Variants in XRCC2 observed in about 807,000 individuals in gnomAD.
The protein encoded by XRCC2 is DNA repair protein XRCC2.
XRCC2 carries 24 observed loss-of-function variants against 27.3 expected under a neutral mutation model. The observed-to-expected ratio is 0.88, with a 90% CI of 0.64 to 1.24. XRCC2 has a LOEUF of 1.24. Ranked by LOEUF, XRCC2 falls within the 50% of genes most tolerant of loss-of-function variation. The pLI is 0.00. For missense variants in XRCC2, 321 were observed against 325.8 expected, an observed-to-expected ratio of 0.99 and a Z score of 0.11; for synonymous variants, 106 against 115.4, an observed-to-expected ratio of 0.92 and a Z score of 0.52.
At chr7:152,672,574 C>T (rs759112800) in intron 1 of XRCC2, among the ~76,000 whole-genome samples, 6 of 152,170 alleles carry the variant, frequency 3.9e-5, no homozygotes, top group Non-Finnish European at 7.3e-5. Context: ...AATGCTTGCT[C>T]CTGGCAGAAC....
rs1453507453 is a variant in XRCC2, at chr7:152,644,902, G to A, written c.*3740C>T. 2 of 152,182 alleles carry A rather than the reference G, an allele frequency of 1.3e-5. No individual in the cohort carries two copies. Among genetic ancestry groups the A allele is most frequent in the African/African-American group, 4.8e-5 (2 of 41,440 alleles). 9.4% of individuals were successfully genotyped at this position (152,182 alleles called of 1,614,324 possible). ...CGTGATGTTAACATCGTTCTCAACA[G>A]TTAGCCGAAGATTCATTCGATGAGT... On this transcript the variant is annotated 3_prime_UTR_variant, in exon 3 of 3. Transcript: ENST00000359321.
In XRCC2 at chr7:152,648,511, A is replaced by G. The variant is rs921306617; in HGVS notation, c.*131T>C. 2.0e-5 allele frequency: 20 copies of G among 983,036 alleles called. No individual in the cohort carries two copies. The highest frequency in any genetic ancestry group is 3.3e-5 in the African/African-American group (2 of 60,678). The allele number at this position is 983,036 out of a possible 1,614,324, so 60.9% of individuals were successfully genotyped here. A position where few individuals can be genotyped will look rare whatever the true frequency, so the allele number is the denominator to read the frequency against. ...ACACATAGGAGGATCCCTTGAGGCCAGGAGTTCAAGGCTGCAGTGAGCCAT... is the reference window on the plus strand; with the variant it reads ...ACACATAGGAGGATCCCTTGAGGCCGGGAGTTCAAGGCTGCAGTGAGCCAT... On this transcript the variant is annotated 3_prime_UTR_variant, in exon 3 of 3. Transcript: ENST00000359321.
chr7:152,652,534 T>C (rs1211661116), intron 2 of XRCC2, among the ~76,000 whole-genome samples: 1 of 152,162 alleles, frequency 6.6e-6, no homozygotes, highest in Non-Finnish European at 1.5e-5. Flanking sequence ...TTCAGACATA[T>C]CCTGTTTGCT....
At chr7:152,662,903 T>G (rs938642034) in intron 1 of XRCC2, among the ~76,000 whole-genome samples, 3 of 152,122 alleles carry the variant, frequency 2.0e-5, no homozygotes, top group Admixed American at 1.3e-4. Context: ...CAAATCAAGT[T>G]GTGGAAAGAC....
rs368445278 is a variant in XRCC2, at chr7:152,648,844, C to T, written c.641G>A (p.Arg214Gln). Reference sequence around the variant, plus strand: ...GTCTATGTCCACATCACACAGTCGTCGAGAGGCATGAGAAGGTTCTTCTGA... The same window carrying T: ...GTCTATGTCCACATCACACAGTCGTTGAGAGGCATGAGAAGGTTCTTCTGA... Reference protein sequence around the residue: ...SSSEEPSHASRRLCDVDIDYR... With the variant: ...SSSEEPSHASQRLCDVDIDYR... Residue 214 changes from arginine to glutamine, a missense_variant, in exon 3 of 3, where the codon CGA (arginine) becomes CAA (glutamine). Physicochemically the swap from Arg to Gln is conservative, Grantham distance 43. Transcript: ENST00000359321. 38 of 1,613,662 alleles carry T rather than the reference C, an allele frequency of 2.4e-5. No individual in the cohort carries two copies. The highest frequency in any genetic ancestry group is 5.3e-5 in the African/African-American group (4 of 74,872).
At chr7:152,669,639 G>A (rs2098037355) in intron 1 of XRCC2, among the ~76,000 whole-genome samples, 1 of 151,910 alleles carries the variant, frequency 6.6e-6, no homozygotes, top group African/African-American at 2.4e-5. Flanking sequence ...CTGACCTCAA[G>A]TGATCTGCCT....
chr7:152,673,142 C>G (rs1423911890), intron 1 of XRCC2, among the ~76,000 whole-genome samples: 1 of 152,096 alleles, frequency 6.6e-6, no homozygotes, highest in Non-Finnish European at 1.5e-5. Context: ...CACTCTCCAC[C>G]TGGCTTACCA....
At chr7:152,666,217 A>G (rs953282179) in intron 1 of XRCC2, among the ~76,000 whole-genome samples, 1 of 149,978 alleles carries the variant, frequency 6.7e-6, no homozygotes. Flanking sequence ...TTCTTCAATA[A>G]TTTTTTTTTT....
At position 152,648,976 on chromosome 7, in the gene XRCC2, T is replaced by G. The variant is rs778143946; in HGVS notation, c.509A>C (p.Glu170Ala). 56 of 1,614,092 alleles carry G rather than the reference T, an allele frequency of 3.5e-5. No individual in the cohort carries two copies. The highest frequency in any genetic ancestry group is 1.3e-4 in the Admixed American group (8 of 59,994). Residue 170 changes from glutamate (E) to alanine (A), a missense_variant, in exon 3 of 3, where the codon GAG becomes GCG. Physicochemically the swap from Glu to Ala is moderately radical, Grantham distance 107. Transcript: ENST00000359321. The part of the protein sequence containing the change: ...VNGGESVNLQ[E>A]STLRKCSQCL... ...CTGAGAACATTTCCTCAGAGTAGAC[T>G]CCTGTAAGTTCACACTTTCTCCTCC... is the stretch of plus-strand genomic sequence containing the variant.
At chr7:152,660,192 A>G (rs189847080) in intron 2 of XRCC2, among the ~76,000 whole-genome samples, 15 of 152,318 alleles carry the variant, frequency 9.8e-5, no homozygotes, top group Admixed American at 2.6e-4. Context: ...GGGAGATAAA[A>G]TGCTCTAAAG....
At chr7:152,669,897 C>A (rs2098037461) in intron 1 of XRCC2, among the ~76,000 whole-genome samples, 1 of 147,858 alleles carries the variant, frequency 6.8e-6, no homozygotes, top group Admixed American at 6.8e-5. Flanking sequence ...AGGCTAGCAA[C>A]ATAGTGTAAC....
chr7:152,665,376 G>T (rs2098035120), intron 1 of XRCC2, among the ~76,000 whole-genome samples: 1 of 150,008 alleles, frequency 6.7e-6, no homozygotes, highest in Non-Finnish European at 1.5e-5. Flanking sequence ...TGTTGGTTGT[G>T]TTTCTCCTCT....
chr7:152,667,468 C>A (rs906313070), intron 1 of XRCC2, among the ~76,000 whole-genome samples: 1 of 146,026 alleles, frequency 6.8e-6, no homozygotes, highest in Non-Finnish European at 1.5e-5. Flanking sequence ...CTCTTTTGGG[C>A]GAAGATGGTA....
Position 152,649,156 on chromosome 7 carries a change from T to C in XRCC2, c.329A>G (p.Tyr110Cys), listed in dbSNP as rs2098027432. 4 of 1,613,688 alleles carry C rather than the reference T, an allele frequency of 2.5e-6. No individual in the cohort carries two copies. Among genetic ancestry groups the C allele is most frequent in the Non-Finnish European group, 1.7e-6 (2 of 1,179,960 alleles). Residue 110 changes from tyrosine to cysteine, a missense_variant, in exon 3 of 3, where the codon TAC (tyrosine) becomes TGC (cysteine). Transcript: ENST00000359321. Reference sequence around the variant, plus strand: ...CACCAAAAAAAATCTTCCCAGGCAGTATTTGATTATTTCTTCAGAGCTTTG... The same window carrying C: ...CACCAAAAAAAATCTTCCCAGGCAGCATTTGATTATTTCTTCAGAGCTTTG... ...LSQSSEEIIKYCLGRFFLVYC... is the reference protein window; with the variant it reads ...LSQSSEEIIKCCLGRFFLVYC...
Position 152,647,059 on chromosome 7 carries a change from C to A in XRCC2, c.*1583G>T, listed in dbSNP as rs773452738. Reference sequence around the variant, plus strand: ...GCATATCTTTTTCTCCACAACCTCACCAGCATCTGTTATTTTCTGACATTT... The same window carrying A: ...GCATATCTTTTTCTCCACAACCTCAACAGCATCTGTTATTTTCTGACATTT... On this transcript the variant is annotated 3_prime_UTR_variant, in exon 3 of 3. Coordinates refer to ENST00000359321, the MANE Select transcript of XRCC2 (RefSeq NM_005431.2). 7.2e-5 allele frequency: 11 copies of A among 152,212 alleles called. No homozygotes were observed. The highest frequency in any genetic ancestry group is 1.5e-4 in the Non-Finnish European group (10 of 68,042). The allele number at this position is 152,212 out of a possible 1,614,324, so 9.4% of individuals were successfully genotyped here.
intron 2 of XRCC2, among the ~76,000 whole-genome samples, chr7:152,651,075 G>A (rs1415263012): frequency 6.6e-6 from 1 of 151,964 alleles, no homozygotes; most frequent in Non-Finnish European, 1.5e-5. Context: ...GAGTAGCTGG[G>A]ATTACAGGCG....
At chr7:152,657,877 C>CTA (rs1007182367) in intron 2 of XRCC2, among the ~76,000 whole-genome samples, 46 of 150,468 alleles carry the variant, frequency 3.1e-4, no homozygotes, top group African/African-American at 1.0e-3. Context: ...CAAAAGAAAA[C>CTA]AGTAAAGGAG....
At chr7:152,674,423 C>A (rs1282906853) in intron 1 of XRCC2, among the ~76,000 whole-genome samples, 1 of 151,874 alleles carries the variant, frequency 6.6e-6, no homozygotes, top group Non-Finnish European at 1.5e-5. Flanking sequence ...ACTAGCCTCG[C>A]CAACACGGCG....
chr7:152,657,053 G>A (rs3218488), intron 2 of XRCC2, among the ~76,000 whole-genome samples: 127,918 of 151,614 alleles, frequency 0.84, 54,483 homozygotes, highest in Non-Finnish European at 0.91. Context: ...CCTGGCCAAC[G>A]TGGTGAAACC....
Sources: allele counts gnomAD v4.1 joint callset (sites outside exome capture counted in the v4.1 genomes callset), GRCh38; gene constraint gnomAD v4.1.1; transcripts MANE v1.5; gene names NCBI Gene and HGNC (gene_info 2026-07-23, HGNC 2026-07-21).